Variants in CSRNP3 observed in about 807,000 individuals in gnomAD.
CSRNP3 encodes the protein cysteine/serine-rich nuclear protein 3.
Under a neutral mutation model 48.0 loss-of-function variants are expected in CSRNP3, and 12 were observed. The ratio of observed to expected loss-of-function variants is 0.25; its 90% CI spans 0.16 to 0.41. The LOEUF (loss-of-function observed/expected upper bound fraction) is 0.41. Ranked by LOEUF, CSRNP3 falls within the 10% of genes least tolerant of loss-of-function variation. The pLI is 1.00. For missense variants in CSRNP3, 580 were observed against 724.4 expected, an observed-to-expected ratio of 0.80 and a Z score of 2.29; for synonymous variants, 263 against 269.7, an observed-to-expected ratio of 0.98 and a Z score of 0.24.
chr2:165,564,832 T>C (rs1685277636), intron 3 of CSRNP3, among the ~76,000 whole-genome samples: 4 of 152,182 alleles, frequency 2.6e-5, no homozygotes, highest in Admixed American at 2.6e-4. Context: ...TTATTATAAA[T>C]GTGGTTTCTT....
chr2:165,560,671 A>T (rs573644187), intron 3 of CSRNP3, among the ~76,000 whole-genome samples: 1 of 152,314 alleles, frequency 6.6e-6, no homozygotes, highest in East Asian at 1.9e-4. Flanking sequence ...AGTTTGAGTT[A>T]TTCAAATCAT....
intron 4 of CSRNP3, among the ~76,000 whole-genome samples, chr2:165,602,716 T>G (rs1685935213): frequency 6.6e-6 from 1 of 152,156 alleles, no homozygotes; most frequent in Non-Finnish European, 1.5e-5. Flanking sequence ...CTGGTCTTAC[T>G]GAGACCATCC....
At chr2:165,566,675 GGGCTCATTGCATTGCCCA>G (rs2105271045) in intron 3 of CSRNP3, 1 of 151,718 alleles carries the variant, frequency 6.6e-6, no homozygotes, top group Admixed American at 6.6e-5. Context: ...TTGTGGAGAC[GGGCTCATTGCATTGCCCA>G]GGCTGTATAT....
At position 165,683,290 on chromosome 2, in the gene CSRNP3, G is replaced by A. The variant is rs1687576707; in HGVS notation, c.*3537G>A. On this transcript the variant is annotated 3_prime_UTR_variant, in exon 7 of 7. Coordinates refer to ENST00000651982, the MANE Select transcript of CSRNP3 (RefSeq NM_001172173.2). The stretch of plus-strand genomic sequence containing the variant: ...AATGTGACAGCCACATGTAAAATGT[G>A]AAACTAATGTTTCTTAGTATGTTTA... The A allele has an allele frequency of 6.6e-6, 1 of 152,018 alleles. No individual in the cohort carries two copies. 9.4% of individuals were successfully genotyped at this position (152,018 alleles called of 1,614,324 possible).
At chr2:165,574,792 G>A (rs1376871229) in intron 3 of CSRNP3, among the ~76,000 whole-genome samples, 5 of 152,058 alleles carry the variant, frequency 3.3e-5, no homozygotes, top group African/African-American at 1.2e-4. Context: ...AATAAGATCC[G>A]AGTTCCTAGC....
chr2:165,643,005 A>G (rs999287722), intron 4 of CSRNP3, among the ~76,000 whole-genome samples: 2 of 152,246 alleles, frequency 1.3e-5, no homozygotes, highest in African/African-American at 2.4e-5. Flanking sequence ...AGAGAAGATT[A>G]TAGAGTGATT....
intron 3 of CSRNP3, among the ~76,000 whole-genome samples, chr2:165,545,691 C>T (rs929805341): frequency 6.6e-6 from 1 of 151,772 alleles, no homozygotes; most frequent in Admixed American, 6.6e-5. Flanking sequence ...GAGTTCTGGC[C>T]CATTAAATAG....
chr2:165,621,374 A>G (rs1000163494), intron 4 of CSRNP3, among the ~76,000 whole-genome samples: 1 of 151,588 alleles, frequency 6.6e-6, no homozygotes, highest in African/African-American at 2.4e-5. Context: ...AATTTTCCTC[A>G]AGTATTCTTC....
At chr2:165,569,882 G>T (rs1452985859) in intron 3 of CSRNP3, among the ~76,000 whole-genome samples, 8 of 150,670 alleles carry the variant, frequency 5.3e-5, no homozygotes, top group Admixed American at 2.6e-4. Context: ...TATTTTTTCT[G>T]CATGTATTAG....
intron 3 of CSRNP3, among the ~76,000 whole-genome samples, chr2:165,556,798 A>G (rs1558933544): frequency 6.6e-6 from 1 of 152,224 alleles, no homozygotes; most frequent in Non-Finnish European, 1.5e-5. Flanking sequence ...AACAATATCA[A>G]TATAGCAATG....
chr2:165,616,378 T>C (rs1035492992), intron 4 of CSRNP3, among the ~76,000 whole-genome samples: 7 of 152,216 alleles, frequency 4.6e-5, no homozygotes, highest in African/African-American at 1.7e-4. Flanking sequence ...TATACTTTTA[T>C]GTATTTTTAT....
chr2:165,538,123 A>G (rs1475683078), intron 3 of CSRNP3, among the ~76,000 whole-genome samples: 2 of 152,094 alleles, frequency 1.3e-5, no homozygotes, highest in East Asian at 1.9e-4. Context: ...GGTGGCTACA[A>G]TTCCTTAAAG....
rs374206020 is a variant in CSRNP3, at chr2:165,561,232, G to A, written c.-23-33811G>A. ...TCTTTATGCCTTACATTTGCCGTCA[G>A]TAAAACTGGATAAAGTTACAAGTAA... On this transcript the variant is annotated intron_variant, in intron 3 of 6. Transcript: ENST00000651982. Among the ~76,000 whole-genome samples the A allele has an allele frequency of 5.5e-4, 83 of 152,268 alleles. No homozygotes were observed. The South Asian group carries it at 0.014, about 26-fold the overall frequency.
At chr2:165,678,039 G>T (rs1381645217) in intron 6 of CSRNP3, among the ~76,000 whole-genome samples, 1 of 152,128 alleles carries the variant, frequency 6.6e-6, no homozygotes. Flanking sequence ...TCATGAATGT[G>T]CATATCCATT....
At chr2:165,626,527 C>T (rs1388538215) in intron 4 of CSRNP3, among the ~76,000 whole-genome samples, 1 of 152,188 alleles carries the variant, frequency 6.6e-6, no homozygotes. Context: ...TTCCGTATTT[C>T]CTTGTCCAAA....
chr2:165,505,544 T>C (rs2105222391), intron 2 of CSRNP3, among the ~76,000 whole-genome samples: 1 of 152,328 alleles, frequency 6.6e-6, no homozygotes, highest in South Asian at 2.1e-4. Flanking sequence ...TCATTTTTGC[T>C]TCTTTGTAGT....
chr2:165,679,669 T>A lies in CSRNP3; in HGVS notation c.1674T>A (p.Ala558=), dbSNP rs1267795817. The change falls in exon 7 of 7, where the codon GCT becomes GCA. Residue 558 remains alanine, a synonymous_variant. Transcript: ENST00000651982. ...NGDSHISEHP[A]ENSLSLAEKS... ...ACAGTCACATTTCAGAGCATCCTGC[T>A]GAAAATTCTTTGAGCCTTGCAGAAA... The A allele has an allele frequency of 6.2e-7, 1 of 1,614,176 alleles. No individual in the cohort carries two copies.
At position 165,679,105 on chromosome 2, in the gene CSRNP3, C is replaced by T. The variant is rs61747278; in HGVS notation, c.1110C>T (p.Asp370=). 12 of 1,612,164 alleles carry T rather than the reference C, an allele frequency of 7.4e-6. No individual in the cohort carries two copies. Among genetic ancestry groups the T allele is most frequent in the Admixed American group, 5.0e-5 (3 of 59,856 alleles). ...AAAGCTTGGCACCTAGTGAGTCAGA[C>T]GAGGAGGAGGAGGAAGAAGAAGAGG... ...STQSLAPSES[D]EEEEEEEEEE... Residue 370 remains aspartate, a synonymous_variant, in exon 7 of 7, where the codon GAC becomes GAT. Coordinates refer to ENST00000651982, the MANE Select transcript of CSRNP3 (RefSeq NM_001172173.2).
At chr2:165,610,435 T>C (rs1573916957) in intron 4 of CSRNP3, among the ~76,000 whole-genome samples, 1 of 152,350 alleles carries the variant, frequency 6.6e-6, no homozygotes, top group East Asian at 1.9e-4. Flanking sequence ...TCAAACACCC[T>C]GTATTTGCTT....
Sources: allele counts gnomAD v4.1 joint callset (sites outside exome capture counted in the v4.1 genomes callset), GRCh38; gene constraint gnomAD v4.1.1; transcripts MANE v1.5; gene names NCBI Gene and HGNC (gene_info 2026-07-23, HGNC 2026-07-21).